Variants in DIP2A observed in about 807,000 individuals in gnomAD.
The protein encoded by DIP2A is DIP2 acetate--CoA ligase A.
DIP2A carries 85 observed loss-of-function variants against 177.4 expected under a neutral mutation model. That is an observed-to-expected ratio of 0.48 (90% confidence interval 0.40 to 0.57). The LOEUF (loss-of-function observed/expected upper bound fraction) is 0.57. Ranked by LOEUF, DIP2A falls within the 20% of genes least tolerant of loss-of-function variation. The pLI is 0.00. For synonymous variants in DIP2A, 886 were observed against 881.8 expected (o/e 1.00, Z -0.08); for missense variants, 1,791 against 2,100.2 (o/e 0.85, Z 2.88).
intron 5 of DIP2A, among the ~76,000 whole-genome samples, chr21:46,500,855 A>T (rs1352429744): frequency 6.6e-6 from 1 of 152,188 alleles, no homozygotes; most frequent in Non-Finnish European, 1.5e-5. Flanking sequence ...TAGGTTTATT[A>T]CCTATGTTGG....
intron 18 of DIP2A, among the ~76,000 whole-genome samples, chr21:46,543,059 T>C (rs888888553): frequency 6.6e-6 from 1 of 152,258 alleles, no homozygotes; most frequent in African/African-American, 2.4e-5. Flanking sequence ...CCTGTGTTTC[T>C]AGCTCTACTT....
intron 32 of DIP2A, among the ~76,000 whole-genome samples, chr21:46,560,060 G>A (rs1365232880): frequency 1.3e-5 from 2 of 152,242 alleles, no homozygotes; most frequent in African/African-American, 4.8e-5. Flanking sequence ...AAATGTTAAT[G>A]CTCATAGCAT....
intron 5 of DIP2A, among the ~76,000 whole-genome samples, chr21:46,501,918 A>G (rs1332762919): frequency 6.6e-6 from 1 of 152,194 alleles, no homozygotes; most frequent in Non-Finnish European, 1.5e-5. Flanking sequence ...AGGCTTTTTC[A>G]AGGGTTGTGA....
At chr21:46,539,627 G>A (rs2059722659) in intron 16 of DIP2A, 5 of 507,332 alleles carry the variant, frequency 9.9e-6, no homozygotes, top group Non-Finnish European at 1.8e-5. Flanking sequence ...GCACCTTCCT[G>A]TCCCTAGTGA....
intron 1 of DIP2A, among the ~76,000 whole-genome samples, chr21:46,474,145 A>C (rs2055640903): frequency 6.6e-6 from 1 of 152,134 alleles, no homozygotes. Context: ...TGTGAAGTGC[A>C]CAGTAAAGGA....
intron 8 of DIP2A, among the ~76,000 whole-genome samples, chr21:46,518,815 C>T (rs973557691): frequency 7.9e-5 from 12 of 152,230 alleles, no homozygotes; most frequent in African/African-American, 2.9e-4. Flanking sequence ...CAAGATTGCA[C>T]CGCTGCACTG....
At chr21:46,534,481 G>A in intron 12 of DIP2A, 104 bp from the exon 13 acceptor site, 1 of 1,117,952 alleles carries the variant, frequency 8.9e-7, no homozygotes, top group Non-Finnish European at 1.3e-6. Context: ...GGTTAGAGGA[G>A]AGACACTGAC....
intron 5 of DIP2A, among the ~76,000 whole-genome samples, chr21:46,500,435 CTGT>C (rs2057587633): frequency 6.6e-6 from 1 of 152,202 alleles, no homozygotes; most frequent in Non-Finnish European, 1.5e-5. Context: ...AGCTTTTGCA[CTGT>C]TGTTTGCCTT....
At chr21:46,523,179 C>T (rs2058904642) in intron 8 of DIP2A, among the ~76,000 whole-genome samples, 1 of 151,872 alleles carries the variant, frequency 6.6e-6, no homozygotes, top group African/African-American at 2.4e-5. Context: ...CCCGCCTTGG[C>T]CTTCCAAAGT....
rs1256908446 is a variant in DIP2A, at chr21:46,537,987, G to C, written c.1801+448G>C. On this transcript the variant is annotated intron_variant, in intron 15 of 37. Coordinates refer to ENST00000417564, the MANE Select transcript of DIP2A (RefSeq NM_015151.4). This position sits in a 1 kb window ranked among gnomAD's most constrained non-coding sequence, Gnocchi z 4.1. ...GCCCCTCTAGACATGTCTCAGAGCA[G>C]TGTGGAGGGGCAGCTCTCTCTGTCT... 6.6e-6 allele frequency among the ~76,000 whole-genome samples: 1 copy of C among 152,176 alleles called. No homozygotes were observed. Among genetic ancestry groups the C allele is most frequent in the Non-Finnish European group, 1.5e-5 (1 of 68,018 alleles).
intron 8 of DIP2A, among the ~76,000 whole-genome samples, chr21:46,513,356 G>A (rs113280797): frequency 3.9e-4 from 59 of 152,182 alleles, no homozygotes; most frequent in Non-Finnish European, 7.6e-4. Flanking sequence ...TATTGAAAAG[G>A]CAATCCTTTC....
At chr21:46,469,036 A>G (rs1489100095) in intron 1 of DIP2A, 3 of 152,186 alleles carry the variant, frequency 2.0e-5, no homozygotes, top group African/African-American at 7.2e-5. Context: ...TCACAGAATA[A>G]AGTGCCTGTG....
chr21:46,532,123 G>C lies in DIP2A; in HGVS notation c.1195-4G>C. On this transcript the variant is annotated splice_polypyrimidine_tract_variant and splice_region_variant and intron_variant, in intron 9 of 37. Coordinates refer to ENST00000417564, the MANE Select transcript of DIP2A (RefSeq NM_015151.4). The stretch of plus-strand genomic sequence containing the variant: ...GGAATATTCATTTCTTTGTCCTGTT[G>C]TAGGTGGCGCTCGTGTTTCCGAATA... The C allele has an allele frequency of 6.2e-7, 1 of 1,612,818 alleles. No individual in the cohort carries two copies. Among genetic ancestry groups the C allele is most frequent in the Non-Finnish European group, 8.5e-7 (1 of 1,179,244 alleles).
chr21:46,518,017 A>G (rs1001046624), intron 8 of DIP2A, among the ~76,000 whole-genome samples: 5 of 152,272 alleles, frequency 3.3e-5, no homozygotes, highest in African/African-American at 1.2e-4. Flanking sequence ...CTGGTCTGCC[A>G]CCAGTACCCT....
intron 10 of DIP2A, among the ~76,000 whole-genome samples, chr21:46,532,622 T>A (rs1026663035): frequency 2.0e-5 from 3 of 152,224 alleles, no homozygotes; most frequent in African/African-American, 7.2e-5. Flanking sequence ...AGAAAATAAT[T>A]ATTATTTCTT....
rs964397083 is a variant in DIP2A at position 46,550,478 on chromosome 21, C to T, written c.2638-65C>T. ...GGTCCACAGAGGGGATGTTCCTGTC[C>T]CCCACCCAGCATCTCCCCAGCCTCA... On this transcript the variant is annotated intron_variant, in intron 22 of 37. Transcript: ENST00000417564. 8.6e-6 allele frequency: 13 copies of T among 1,504,204 alleles called. No individual in the cohort carries two copies. The African/African-American group carries it at 1.7e-4, about 19-fold the overall frequency. The allele number at this position is 1,504,204 out of a possible 1,614,324, so 93.2% of individuals were successfully genotyped here.
chr21:46,532,065 A>T, intron 9 of DIP2A, 62 bp from the exon 10 acceptor site: 1 of 1,464,112 alleles, frequency 6.8e-7, no homozygotes, highest in Non-Finnish European at 9.3e-7. Flanking sequence ...ACTAGCTTTT[A>T]ATTTAACTAG....
chr21:46,561,670 C>T, intron 33 of DIP2A, 78 bp from the exon 34 acceptor site: 1 of 1,540,710 alleles, frequency 6.5e-7, no homozygotes, highest in Non-Finnish European at 9.0e-7. Context: ...TGATCATTTC[C>T]AACGTCATGA....
intron 1 of DIP2A, among the ~76,000 whole-genome samples, chr21:46,461,121 G>A (rs1450527342): frequency 1.3e-5 from 2 of 151,482 alleles, no homozygotes; most frequent in East Asian, 3.9e-4. Flanking sequence ...AACATAGCAA[G>A]ACTCTGTCTC....
Sources: gnomAD v4.1 joint callset for allele counts (sites outside exome capture counted in the v4.1 genomes callset) on GRCh38, gnomAD v4.1.1 for gene constraint, Gnocchi (gnomAD v3.1) non-coding constraint, MANE v1.5 for transcripts, NCBI Gene and HGNC (gene_info 2026-07-23, HGNC 2026-07-21) for gene names.